Variants in GJB7 observed in about 807,000 individuals in gnomAD.
GJB7 encodes gap junction protein beta 7, also known as gap junction beta-7 protein.
For synonymous variants in GJB7, 87 were observed against 95.2 expected, an observed-to-expected ratio of 0.91 and a Z score of 0.50; for missense variants, 253 against 256.8, an observed-to-expected ratio of 0.99 and a Z score of 0.10.
At chr6:87,325,984 T>A (rs1011971216) in intron 1 of GJB7, among the ~76,000 whole-genome samples, 1 of 152,246 alleles carries the variant, frequency 6.6e-6, no homozygotes, top group Non-Finnish European at 1.5e-5. Flanking sequence ...TTCTTCCTAG[T>A]TTAGTCTTGG....
rs370804478 is a variant in GJB7 at position 87,285,051 on chromosome 6, T to C, written c.-27-112A>G. ...TACAATTTCTGCATTATAACAACTC[T>C]GGTGGTTTAGGGCTCTCTAAGAATC... is the stretch of plus-strand genomic sequence containing the variant. On this transcript the variant is annotated intron_variant, in intron 2 of 2. Coordinates refer to ENST00000525899, the MANE Select transcript of GJB7 (RefSeq NM_198568.3). The C allele has an allele frequency of 5.6e-6, 4 of 710,730 alleles. No individual in the cohort carries two copies. In the East Asian group the frequency reaches 1.1e-4, roughly 19 times the overall value. The allele number at this position is 710,730 out of a possible 1,614,324, so 44.0% of individuals were successfully genotyped here.
intron 2 of GJB7, among the ~76,000 whole-genome samples, chr6:87,310,511 A>AG (rs1776500652): frequency 6.6e-6 from 1 of 152,092 alleles, no homozygotes; most frequent in Admixed American, 6.6e-5. Context: ...CAAGTGTGGG[A>AG]GGGGGGTGAG....
At chr6:87,312,151 G>C (rs1776519311) in intron 2 of GJB7, among the ~76,000 whole-genome samples, 1 of 152,012 alleles carries the variant, frequency 6.6e-6, no homozygotes, top group South Asian at 2.1e-4. Context: ...TCAAGCAGTA[G>C]ACTTAGAATT....
At chr6:87,315,176 C>A (rs1048254701) in intron 2 of GJB7, among the ~76,000 whole-genome samples, 3 of 152,160 alleles carry the variant, frequency 2.0e-5, no homozygotes, top group African/African-American at 7.2e-5. Context: ...TCCCCGCCGA[C>A]CCCTTGTGTG....
At chr6:87,292,965 G>A (rs1776200153) in intron 2 of GJB7, among the ~76,000 whole-genome samples, 1 of 152,102 alleles carries the variant, frequency 6.6e-6, no homozygotes, top group Non-Finnish European at 1.5e-5. Context: ...CACAACCCTT[G>A]GTTATTCCAT....
chr6:87,303,234 A>G (rs1237993221), intron 2 of GJB7, among the ~76,000 whole-genome samples: 1 of 152,128 alleles, frequency 6.6e-6, no homozygotes, highest in Non-Finnish European at 1.5e-5. Flanking sequence ...AGACTGGCAA[A>G]TTGGATAAAG....
chr6:87,284,345 A>G lies in GJB7; in HGVS notation c.568T>C (p.Cys190Arg), dbSNP rs75865970. ...AGTTCAATGAAATTCAACACAATAC[A>G]CAAGCATGAGGTGATGACCAAGAAG... The part of the protein sequence containing the change: ...ILFLVITSCL[C>R]IVLNFIELSF... The change falls in exon 3 of 3, where the codon TGT becomes CGT. Residue 190 changes from cysteine to arginine, a missense_variant. Physicochemically the swap from Cys to Arg is radical, Grantham distance 180. Coordinates refer to ENST00000525899, the MANE Select transcript of GJB7 (RefSeq NM_198568.3). 1.5e-5 allele frequency: 24 copies of G among 1,614,052 alleles called. No homozygotes were observed. The East Asian group carries it at 5.1e-4, about 34-fold the overall frequency.
At chr6:87,328,901 C>G (rs1001976090) in intron 1 of GJB7, among the ~76,000 whole-genome samples, 30 of 152,160 alleles carry the variant, frequency 2.0e-4, no homozygotes, top group African/African-American at 6.0e-4. Context: ...AGCAATCAGC[C>G]AGACTCCGTG....
intron 2 of GJB7, among the ~76,000 whole-genome samples, chr6:87,322,082 A>C (rs902528585): frequency 9.9e-5 from 15 of 152,182 alleles, no homozygotes; most frequent in Admixed American, 6.5e-5. Context: ...ACATCAGCAA[A>C]GTATGTGCAA....
At chr6:87,306,440 G>T (rs928031106) in intron 2 of GJB7, among the ~76,000 whole-genome samples, 1 of 152,144 alleles carries the variant, frequency 6.6e-6, no homozygotes, top group South Asian at 2.1e-4. Context: ...ACCATCTCTG[G>T]CCATCAGAGA....
intron 1 of GJB7, among the ~76,000 whole-genome samples, chr6:87,328,539 A>T (rs543752265): frequency 1.3e-5 from 2 of 150,404 alleles, no homozygotes; most frequent in African/African-American, 5.0e-5. Flanking sequence ...CCCCTGCTGG[A>T]GGCTGCCTCC....
chr6:87,297,617 A>G (rs1582557756), intron 2 of GJB7, among the ~76,000 whole-genome samples: 1 of 152,384 alleles, frequency 6.6e-6, no homozygotes, highest in South Asian at 2.1e-4. Context: ...TTGATTCTCT[A>G]GAGAAAATTT....
At chr6:87,323,827 C>A (rs1375960226) in intron 1 of GJB7, among the ~76,000 whole-genome samples, 4 of 152,014 alleles carry the variant, frequency 2.6e-5, no homozygotes, top group Admixed American at 6.5e-5. Flanking sequence ...ATTTCTAGTT[C>A]TAGATCCCTG....
intron 2 of GJB7, among the ~76,000 whole-genome samples, chr6:87,316,423 G>A (rs567335670): frequency 1.2e-4 from 18 of 152,296 alleles, no homozygotes; most frequent in African/African-American, 4.3e-4. Flanking sequence ...ACACCAAGCA[G>A]GGCTGAGCTA....
At chr6:87,289,542 T>C (rs1282903762) in intron 2 of GJB7, among the ~76,000 whole-genome samples, 4 of 152,238 alleles carry the variant, frequency 2.6e-5, no homozygotes, top group Non-Finnish European at 5.9e-5. Context: ...TGAAATTAGA[T>C]ACAAGAGTTC....
At chr6:87,289,443 G>A (rs1164519314) in intron 2 of GJB7, among the ~76,000 whole-genome samples, 1 of 152,180 alleles carries the variant, frequency 6.6e-6, no homozygotes, top group East Asian at 1.9e-4. Context: ...CATAACAATT[G>A]ATTCTCATTA....
At chr6:87,296,977 C>T (rs192478087) in intron 2 of GJB7, among the ~76,000 whole-genome samples, 4 of 152,338 alleles carry the variant, frequency 2.6e-5, no homozygotes. Flanking sequence ...TGGCCCCTGT[C>T]AGGCCCTGGG....
intron 2 of GJB7, among the ~76,000 whole-genome samples, chr6:87,321,351 CAT>C (rs1041553615): frequency 2.0e-5 from 3 of 151,942 alleles, no homozygotes; most frequent in African/African-American, 7.2e-5. Flanking sequence ...TTTGGGGTAA[CAT>C]ATTTTTATTT....
intron 2 of GJB7, among the ~76,000 whole-genome samples, chr6:87,285,686 C>T (rs1393685263): frequency 6.6e-6 from 1 of 152,152 alleles, no homozygotes; most frequent in Admixed American, 6.5e-5. Context: ...TTCAATCTCC[C>T]GTCTCCTTTC....
Sources: allele counts gnomAD v4.1 joint callset (sites outside exome capture counted in the v4.1 genomes callset), GRCh38; gene constraint gnomAD v4.1.1; transcripts MANE v1.5; gene names NCBI Gene and HGNC (gene_info 2026-07-23, HGNC 2026-07-21).